ADGRL1: variants seen among roughly 807,000 people sequenced by gnomAD.
ADGRL1 encodes CIRL-1.
ADGRL1 carries 31 observed loss-of-function variants against 148.9 expected under a neutral mutation model. The observed-to-expected ratio is 0.21, with a 90% CI of 0.16 to 0.28. The LOEUF (loss-of-function observed/expected upper bound fraction) is 0.28. Ranked by LOEUF, ADGRL1 falls within the 10% of genes least tolerant of loss-of-function variation. ADGRL1 has a pLI of 1.00. For synonymous variants in ADGRL1, 937 were observed against 900.3 expected (o/e 1.04, Z -0.73); for missense variants, 1,521 against 2,058.8 (o/e 0.74, Z 5.05).
At chr19:14,174,902 TG>T in intron 3 of ADGRL1, among the ~76,000 whole-genome samples, 1 of 145,550 alleles carries the variant, frequency 6.9e-6, no homozygotes, top group Non-Finnish European at 1.5e-5. Flanking sequence ...AGTGCAGTGG[TG>T]GGATCATAGC....
At chr19:14,175,683 GAC>G (rs765584470) in intron 3 of ADGRL1, among the ~76,000 whole-genome samples, 37 of 151,842 alleles carry the variant, frequency 2.4e-4, no homozygotes, top group African/African-American at 8.5e-4. Flanking sequence ...CATACACTTA[GAC>G]ACACAGACAC....
Position 14,161,235 on chromosome 19 carries a change from C to G in ADGRL1, c.1510+77G>C, listed in dbSNP as rs1969335031. 1 of 1,357,236 alleles carries G rather than the reference C, an allele frequency of 7.4e-7. No homozygotes were observed. Among genetic ancestry groups the G allele is most frequent in the Non-Finnish European group, 9.8e-7 (1 of 1,024,060 alleles). The allele number at this position is 1,357,236 out of a possible 1,614,324, so 84.1% of individuals were successfully genotyped here. ...ACCTCTGCTCCGCAGTAGAGACCCC[C>G]ACCCACACATGCATCTGTGCTAAGC... On this transcript the variant is annotated intron_variant, in intron 6 of 22. Transcript: ENST00000361434. This position sits in a 1 kb window ranked among gnomAD's most constrained non-coding sequence, Gnocchi z 4.4.
At position 14,161,571 on chromosome 19, in the gene ADGRL1, G is replaced by C. The variant is rs375319924; in HGVS notation, c.1251C>G (p.Leu417=). 3 of 1,454,232 alleles carry C rather than the reference G, an allele frequency of 2.1e-6. No homozygotes were observed. In the African/African-American group the frequency reaches 4.4e-5, roughly 21 times the overall value. 90.1% of individuals were successfully genotyped at this position (1,454,232 alleles called of 1,614,324 possible). The part of the protein sequence containing the change: ...STTTTARPTP[L]TSTASPAATT... ...TGGCTGCGGGCGAGGCTGTGCTGGT[G>C]AGGGGCGTGGGCCTGGCTGTGGTGG... Residue 417 remains leucine, a synonymous_variant, in exon 6 of 23, where the codon CTC becomes CTG. Coordinates refer to ENST00000361434, the MANE Select transcript of ADGRL1 (RefSeq NM_014921.5). The surrounding 1 kb of genome is among the most constrained non-coding windows in gnomAD (Gnocchi z 4.4).
chr19:14,153,762 G>A (rs1968453696), intron 18 of ADGRL1, among the ~76,000 whole-genome samples: 1 of 148,538 alleles, frequency 6.7e-6, no homozygotes, highest in African/African-American at 2.5e-5. Context: ...ACCAGCCTGG[G>A]CAACATGGTG....
chr19:14,164,129 G>A (rs936601525), intron 4 of ADGRL1, among the ~76,000 whole-genome samples: 1 of 151,748 alleles, frequency 6.6e-6, no homozygotes, highest in African/African-American at 2.4e-5. Flanking sequence ...GTCAGTAGCC[G>A]AGGAAGGGAT....
Position 14,152,397 on chromosome 19 carries a change from CTGCAGCACGGGGT to C in ADGRL1, c.3548_3560del (p.Asn1183SerfsTer53). On this transcript the variant is annotated frameshift_variant, in exon 21 of 23. Coordinates refer to ENST00000361434, the MANE Select transcript of ADGRL1 (RefSeq NM_014921.5). LOFTEE classifies it high-confidence loss of function. This position sits in a 1 kb window ranked among gnomAD's most constrained non-coding sequence, Gnocchi z 6.1. ...TGTAGGGACTGGTGCCCCCACGGGG[CTGCAGCACGGGGT>C]TGGTCAGCAGGTGGTTCCCCATGGT... 1 of 1,601,830 alleles carries C rather than the reference CTGCAGCACGGGGT, an allele frequency of 6.2e-7. No homozygotes were observed. The highest frequency in any genetic ancestry group is 8.5e-7 in the Non-Finnish European group (1 of 1,172,132).
At chr19:14,203,802 C>T (rs1160024025) in intron 1 of ADGRL1, among the ~76,000 whole-genome samples, 1 of 143,080 alleles carries the variant, frequency 7.0e-6, no homozygotes, top group African/African-American at 2.7e-5. Flanking sequence ...CAGGAATCAG[C>T]GTGGGTGATC....
Position 14,155,518 on chromosome 19 carries a change from C to T in ADGRL1, c.3135G>A (p.Ala1045=), listed in dbSNP as rs756943008. ...GGAACAGCAGCGCGATGGCCCCCAG[C>T]GCCCAGGATCTGGGAGTGGGGCGAC... ...SSRLDNIKSW[A]LGAIALLFLL... Residue 1045 remains alanine (A), a synonymous_variant, in exon 18 of 23, where the codon GCG becomes GCA. Transcript: ENST00000361434. The surrounding 1 kb of genome is among the most constrained non-coding windows in gnomAD (Gnocchi z 5.0). 1.2e-5 allele frequency: 19 copies of T among 1,613,522 alleles called. No individual in the cohort carries two copies. Among genetic ancestry groups the T allele is most frequent in the Middle Eastern group, 1.7e-4 (1 of 6,038 alleles).
In ADGRL1 at chr19:14,158,013, A is replaced by G; in HGVS notation, c.2404T>C (p.Tyr802His). ...TAGCCCAGCATGGAACGCTCCGAGT[A>G]GTTCCAGAAGGAGCAGTTAGCATTG... is the stretch of plus-strand genomic sequence containing the variant. ...HFNANCSFWN[Y>H]SERSMLGYWS... The change falls in exon 13 of 23, where the codon TAC (tyrosine) becomes CAC (histidine). Residue 802 changes from tyrosine to histidine, a missense_variant. Around this residue, in one of 8 missense-constraint regions of ADGRL1, gnomAD observed 265 missense variants for 431.9 expected, o/e 0.61. Coordinates refer to ENST00000361434, the MANE Select transcript of ADGRL1 (RefSeq NM_014921.5). The G allele has an allele frequency of 6.2e-7, 1 of 1,614,202 alleles. No homozygotes were observed. Among genetic ancestry groups the G allele is most frequent in the Non-Finnish European group, 8.5e-7 (1 of 1,180,018 alleles).
At chr19:14,166,102 C>T (rs925949515) in intron 4 of ADGRL1, among the ~76,000 whole-genome samples, 5 of 152,062 alleles carry the variant, frequency 3.3e-5, no homozygotes, top group Admixed American at 6.5e-5. Context: ...GTGCCCCCGC[C>T]GCCCGCCGCC....
chr19:14,174,042 A>G (rs1970657856), intron 3 of ADGRL1, among the ~76,000 whole-genome samples: 1 of 151,576 alleles, frequency 6.6e-6, no homozygotes, highest in South Asian at 2.1e-4. Flanking sequence ...AAGGCCCCCT[A>G]CAAGTCCTTC....
intron 3 of ADGRL1, among the ~76,000 whole-genome samples, chr19:14,175,497 C>T (rs569007052): frequency 7.3e-4 from 111 of 151,646 alleles, no homozygotes; most frequent in African/African-American, 2.6e-3. Flanking sequence ...CGCTCACGTA[C>T]ACTTAAACAC....
chr19:14,163,110 A>G lies in ADGRL1; in HGVS notation c.691T>C (p.Tyr231His), dbSNP rs1407682667. 6.2e-7 allele frequency: 1 copy of G among 1,614,112 alleles called. No individual in the cohort carries two copies. The change falls in exon 5 of 23, where the codon TAT (tyrosine) becomes CAT (histidine). Residue 231 changes from tyrosine (Y) to histidine (H), a missense_variant. Coordinates refer to ENST00000361434, the MANE Select transcript of ADGRL1 (RefSeq NM_014921.5). The part of the protein sequence containing the change: ...NKERTRNIVK[Y>H]DLRTRIKSGE... The stretch of plus-strand genomic sequence containing the variant: ...CTCTTGATGCGCGTCCGTAGGTCAT[A>G]CTTGACGATGTTGCGCGTGCGCTCC...
At chr19:14,166,532 C>T (rs1039324547) in intron 4 of ADGRL1, among the ~76,000 whole-genome samples, 3 of 151,608 alleles carry the variant, frequency 2.0e-5, no homozygotes, top group African/African-American at 7.3e-5. Flanking sequence ...ATAAAAGGTA[C>T]AGGGGAAGGA....
At chr19:14,166,908 TGTG>T (rs1970027224) in intron 4 of ADGRL1, 1 of 1,152,580 alleles carries the variant, frequency 8.7e-7, no homozygotes, top group African/African-American at 1.6e-5. Context: ...CCGGACCAAG[TGTG>T]GGTTGGGGAG....
intron 4 of ADGRL1, 173 bp downstream of exon 4, chr19:14,170,509 G>A (rs1279370228): frequency 3.6e-6 from 2 of 554,942 alleles, no homozygotes; most frequent in Non-Finnish European, 6.6e-6. Context: ...GGCACTGAGT[G>A]TGGACACTGG....
Position 14,149,312 on chromosome 19 carries a change from G to C in ADGRL1, c.*1561C>G, listed in dbSNP as rs559780989. On this transcript the variant is annotated 3_prime_UTR_variant, in exon 23 of 23. Transcript: ENST00000361434. The stretch of plus-strand genomic sequence containing the variant: ...TTCGTCTTCCCTGCGGGAAGGTGGA[G>C]GATAGGGAAGGTGATCTCTCACCTT... 1.3e-5 allele frequency: 2 copies of C among 152,380 alleles called. No homozygotes were observed. Among genetic ancestry groups the C allele is most frequent in the African/African-American group, 4.8e-5 (2 of 41,442 alleles). The allele number at this position is 152,380 out of a possible 1,614,324, so 9.4% of individuals were successfully genotyped here.
intron 4 of ADGRL1, chr19:14,167,137 A>C: frequency 1.0e-6 from 1 of 978,998 alleles, no homozygotes; most frequent in Non-Finnish European, 1.6e-6. Context: ...CTTTTCTGGC[A>C]ACACGCCCCC....
chr19:14,184,856 G>C (rs1362063772), intron 1 of ADGRL1, among the ~76,000 whole-genome samples: 2 of 151,812 alleles, frequency 1.3e-5, no homozygotes, highest in Non-Finnish European at 2.9e-5. Flanking sequence ...AGCCAGGATG[G>C]TCTCTATCTC....
Sources: gnomAD v4.1 joint callset for allele counts (sites outside exome capture counted in the v4.1 genomes callset) on GRCh38, gnomAD v4.1.1 for gene constraint, gnomAD v4.1.1 regional missense constraint, Gnocchi (gnomAD v3.1) non-coding constraint, MANE v1.5 for transcripts, NCBI Gene and HGNC (gene_info 2026-07-23, HGNC 2026-07-21) for gene names.